WWOX: variants seen among roughly 807,000 people sequenced by gnomAD.
The protein encoded by WWOX is WW domain-containing oxidoreductase.
In WWOX, 69 loss-of-function variants were observed where a neutral mutation model predicts 46.2. The observed-to-expected ratio is 1.49, with a 90% CI of 1.23 to 1.82. The LOEUF (loss-of-function observed/expected upper bound fraction) is 1.82. Among genes scored for constraint, WWOX ranks in the 40% most tolerant of loss-of-function variants. The pLI is 0.00. For synonymous variants in WWOX, 359 were observed against 202.6 expected (o/e 1.77, Z -6.56); for missense variants, 919 against 542.6 (o/e 1.69, Z -6.89).
rs569592995 is a variant in WWOX, at chr16:78,574,335, G to A, written c.1056+141583G>A. On this transcript the variant is annotated intron_variant, in intron 8 of 8. Coordinates refer to ENST00000566780, the MANE Select transcript of WWOX (RefSeq NM_016373.4). ...AAGTCCTGCACACATTCAAAGGGAG[G>A]ACACTGCACAATGGTGTGAATACCA... 2.1e-3 allele frequency among the ~76,000 whole-genome samples: 314 copies of A among 152,310 alleles called. 1 individual carries two copies. The highest frequency in any genetic ancestry group is 7.0e-3 in the African/African-American group (291 of 41,556).
At chr16:78,861,209 G>T (rs1379219483) in intron 8 of WWOX, among the ~76,000 whole-genome samples, 2 of 151,804 alleles carry the variant, frequency 1.3e-5, no homozygotes, top group Non-Finnish European at 2.9e-5. Context: ...TCTGTTGAAG[G>T]CCTGAATAAA....
chr16:78,541,154 C>G (rs1052026500), intron 8 of WWOX, among the ~76,000 whole-genome samples: 1 of 152,106 alleles, frequency 6.6e-6, no homozygotes, highest in Non-Finnish European at 1.5e-5. Context: ...ATTGCACATA[C>G]TCTATAAATA....
chr16:79,100,064 C>G (rs2049160704), intron 8 of WWOX, among the ~76,000 whole-genome samples: 2 of 152,204 alleles, frequency 1.3e-5, no homozygotes, highest in African/African-American at 4.8e-5. Flanking sequence ...CCGTCACACT[C>G]AGACCATCTA....
chr16:78,153,388 T>C (rs1440500134), intron 4 of WWOX, among the ~76,000 whole-genome samples: 1 of 152,166 alleles, frequency 6.6e-6, no homozygotes, highest in Non-Finnish European at 1.5e-5. Context: ...TAGGAGGATA[T>C]AGGAGAAACT....
chr16:78,433,079 T>C (rs765552562), intron 8 of WWOX, among the ~76,000 whole-genome samples: 18 of 152,184 alleles, frequency 1.2e-4, no homozygotes, highest in Non-Finnish European at 2.2e-4. Flanking sequence ...AAAATCTATT[T>C]TGTTGAATGG....
intron 5 of WWOX, among the ~76,000 whole-genome samples, chr16:78,357,440 C>G (rs61547303): frequency 0.034 from 5,135 of 152,234 alleles, 120 homozygotes; most frequent in African/African-American, 0.059. Flanking sequence ...TTCATTCAAT[C>G]AATGAATGAT....
intron 8 of WWOX, among the ~76,000 whole-genome samples, chr16:78,960,821 G>T (rs899647630): frequency 3.3e-5 from 5 of 152,100 alleles, no homozygotes; most frequent in Admixed American, 2.6e-4. Context: ...CTAGCATCCT[G>T]TTTTACTGAA....
At position 78,500,407 on chromosome 16, in the gene WWOX, TC is replaced by T. The variant is rs1180377663; in HGVS notation, c.1056+67657del. Among the ~76,000 whole-genome samples, 1,336 of 151,720 alleles carry T rather than the reference TC, an allele frequency of 8.8e-3. 19 individuals carry two copies. The highest frequency in any genetic ancestry group is 0.03 in the African/African-American group (1,257 of 41,364). On this transcript the variant is annotated intron_variant, in intron 8 of 8. Coordinates refer to ENST00000566780, the MANE Select transcript of WWOX (RefSeq NM_016373.4). ...TTTCTTCCTTCCTCCTTTTCTTCTT[TC>T]CTTCCTTCCTTCCTTTTTCCCTTCA...
At chr16:78,143,867 G>A (rs75606626) in intron 4 of WWOX, among the ~76,000 whole-genome samples, 5,580 of 144,976 alleles carry the variant, frequency 0.038, 136 homozygotes, top group Middle Eastern at 0.096. Context: ...ACATTAAAAT[G>A]TTTAAGTAAC....
chr16:78,181,126 A>C (rs546684808), intron 5 of WWOX, among the ~76,000 whole-genome samples: 1 of 152,200 alleles, frequency 6.6e-6, no homozygotes, highest in South Asian at 2.1e-4. Flanking sequence ...AGAGACAGGC[A>C]TACAGAGAAA....
At chr16:78,875,272 C>T (rs979755127) in intron 8 of WWOX, among the ~76,000 whole-genome samples, 4 of 152,134 alleles carry the variant, frequency 2.6e-5, no homozygotes, top group Non-Finnish European at 4.4e-5. Flanking sequence ...CCCAGTAAAT[C>T]AAGTAATAGG....
At chr16:78,469,828 G>A (rs2084177233) in intron 8 of WWOX, among the ~76,000 whole-genome samples, 2 of 152,208 alleles carry the variant, frequency 1.3e-5, no homozygotes, top group African/African-American at 4.8e-5. Flanking sequence ...GTGACACCTA[G>A]AGGTGATCCT....
At chr16:79,086,404 T>C (rs2048854574) in intron 8 of WWOX, among the ~76,000 whole-genome samples, 1 of 152,220 alleles carries the variant, frequency 6.6e-6, no homozygotes, top group Non-Finnish European at 1.5e-5. Context: ...CTGGTATGTT[T>C]CTTGATACAT....
At chr16:78,633,625 T>C (rs1304886383) in intron 8 of WWOX, among the ~76,000 whole-genome samples, 1 of 152,166 alleles carries the variant, frequency 6.6e-6, no homozygotes, top group Non-Finnish European at 1.5e-5. Context: ...CTCCTCCTTT[T>C]CATAAACATT....
chr16:78,490,814 C>A (rs535536938), intron 8 of WWOX, among the ~76,000 whole-genome samples: 2 of 152,176 alleles, frequency 1.3e-5, no homozygotes, highest in East Asian at 3.9e-4. Context: ...CAGAGCAGTC[C>A]GTTACTTAGA....
intron 5 of WWOX, among the ~76,000 whole-genome samples, chr16:78,357,016 G>C (rs1567521422): frequency 6.6e-6 from 1 of 152,136 alleles, no homozygotes; most frequent in African/African-American, 2.4e-5. Flanking sequence ...AGTACTACTG[G>C]CATTTGCTGA....
At chr16:79,186,048 A>C (rs1375310574) in intron 8 of WWOX, among the ~76,000 whole-genome samples, 1 of 151,990 alleles carries the variant, frequency 6.6e-6, no homozygotes, top group Admixed American at 6.6e-5. Flanking sequence ...TCTTTTTCAC[A>C]TGGCCTGTAT....
chr16:78,676,209 G>A (rs748956994), intron 8 of WWOX, among the ~76,000 whole-genome samples: 2 of 151,538 alleles, frequency 1.3e-5, no homozygotes, highest in African/African-American at 2.4e-5. Context: ...TGGATATAAA[G>A]CTACCATCAA....
At chr16:79,154,842 T>C (rs1190497406) in intron 8 of WWOX, among the ~76,000 whole-genome samples, 3 of 152,248 alleles carry the variant, frequency 2.0e-5, no homozygotes, top group Non-Finnish European at 4.4e-5. Flanking sequence ...CCTGTGCTTT[T>C]ATAAACTTGA....
Sources: allele counts gnomAD v4.1 joint callset (sites outside exome capture counted in the v4.1 genomes callset), GRCh38; gene constraint gnomAD v4.1.1; transcripts MANE v1.5; gene names NCBI Gene and HGNC (gene_info 2026-07-23, HGNC 2026-07-21).